ROBO2: variants seen among roughly 807,000 people sequenced by gnomAD.
ROBO2 encodes roundabout guidance receptor 2, also known as roundabout homolog 2.
In ROBO2, 53 loss-of-function variants were observed where a neutral mutation model predicts 160.8. That is an observed-to-expected ratio of 0.33 (90% CI 0.26 to 0.41). The LOEUF (loss-of-function observed/expected upper bound fraction) is 0.41. Among genes scored for constraint, ROBO2 ranks in the 10% least tolerant of loss-of-function variants. ROBO2 has a pLI of 1.00. For missense variants in ROBO2, 1,577 were observed against 1,722.4 expected, an observed-to-expected ratio of 0.92 and a Z score of 1.49; for synonymous variants, 664 against 611.7, an observed-to-expected ratio of 1.09 and a Z score of -1.26.
At chr3:76,319,013 C>A (rs759464870) in intron 2 of ROBO2, among the ~76,000 whole-genome samples, 1 of 151,952 alleles carries the variant, frequency 6.6e-6, no homozygotes, top group Non-Finnish European at 1.5e-5. Context: ...CAAGGTCACC[C>A]AAACAAGAGA....
chr3:76,803,080 G>A (rs539989687), intron 2 of ROBO2, among the ~76,000 whole-genome samples: 183 of 152,182 alleles, frequency 1.2e-3, no homozygotes, highest in African/African-American at 4.1e-3. Flanking sequence ...GTGTTTTGCT[G>A]AAAACAATTG....
At chr3:76,811,903 T>G (rs1310137003) in intron 2 of ROBO2, among the ~76,000 whole-genome samples, 1 of 146,852 alleles carries the variant, frequency 6.8e-6, no homozygotes, top group African/African-American at 2.5e-5. Flanking sequence ...TGGGGTCTCA[T>G]TCTGTATCCC....
chr3:75,926,444 G>C (rs527813148), intron 1 of ROBO2, among the ~76,000 whole-genome samples: 65 of 152,216 alleles, frequency 4.3e-4, no homozygotes, highest in African/African-American at 1.5e-3. Flanking sequence ...CTTCTGATTA[G>C]TGCCATTAGA....
At chr3:76,975,495 A>G (rs961368841) in intron 2 of ROBO2, among the ~76,000 whole-genome samples, 1 of 152,098 alleles carries the variant, frequency 6.6e-6, no homozygotes, top group African/African-American at 2.4e-5. Context: ...ACAGAGGGAG[A>G]CTGCGACTGT....
chr3:76,735,695 G>A (rs1263222055), intron 2 of ROBO2, among the ~76,000 whole-genome samples: 3 of 147,648 alleles, frequency 2.0e-5, no homozygotes, highest in Non-Finnish European at 3.0e-5. Context: ...CCAGGAGGCA[G>A]AGAATGCAGT....
At chr3:76,263,322 C>G (rs1706886677) in intron 2 of ROBO2, among the ~76,000 whole-genome samples, 1 of 152,042 alleles carries the variant, frequency 6.6e-6, no homozygotes, top group African/African-American at 2.4e-5. Context: ...CTTGGAACTC[C>G]TGGGCTCAGG....
chr3:77,034,886 G>T (rs537569886), upstream of ROBO2, among the ~76,000 whole-genome samples: 1 of 151,940 alleles, frequency 6.6e-6, no homozygotes, highest in East Asian at 1.9e-4. Flanking sequence ...GATTTTCTTG[G>T]GTTCATGAAA....
intron 2 of ROBO2, among the ~76,000 whole-genome samples, chr3:76,783,725 A>G (rs2062803541): frequency 6.6e-6 from 1 of 150,770 alleles, no homozygotes; most frequent in Non-Finnish European, 1.5e-5. Context: ...TGTTGGGGTT[A>G]TTTGTGCTTC....
At chr3:76,131,476 A>T (rs2071218240) in intron 2 of ROBO2, among the ~76,000 whole-genome samples, 1 of 152,106 alleles carries the variant, frequency 6.6e-6, no homozygotes, top group South Asian at 2.1e-4. Flanking sequence ...GTGAACTGAG[A>T]CAATGCCCAT....
intron 2 of ROBO2, among the ~76,000 whole-genome samples, chr3:76,628,070 AT>A (rs200057150): frequency 0.022 from 3,288 of 152,298 alleles, 50 homozygotes; most frequent in Non-Finnish European, 0.031. Flanking sequence ...TCATAAAAAA[AT>A]AAAGCTTTTG....
At chr3:76,715,823 C>T (rs1007054799) in intron 2 of ROBO2, among the ~76,000 whole-genome samples, 1 of 152,120 alleles carries the variant, frequency 6.6e-6, no homozygotes, top group African/African-American at 2.4e-5. Flanking sequence ...CTTTTATTCT[C>T]TCTTATTGGA....
intron 2 of ROBO2, among the ~76,000 whole-genome samples, chr3:76,629,172 CA>C (rs2089866572): frequency 6.6e-6 from 1 of 152,010 alleles, no homozygotes; most frequent in Non-Finnish European, 1.5e-5. Context: ...ACAAATGGTT[CA>C]AAAAAACACT....
intron 2 of ROBO2, among the ~76,000 whole-genome samples, chr3:76,664,197 T>C (rs73841271): frequency 1.9e-3 from 285 of 152,318 alleles, no homozygotes; most frequent in African/African-American, 6.7e-3. Flanking sequence ...GAAGCTGTTA[T>C]GTCTATTCTA....
At chr3:76,070,401 C>T (rs1018508923) in intron 2 of ROBO2, among the ~76,000 whole-genome samples, 25 of 152,186 alleles carry the variant, frequency 1.6e-4, no homozygotes, top group African/African-American at 3.6e-4. Flanking sequence ...TCTCCCATAG[C>T]GCTCCCAGGC....
At position 75,922,362 on chromosome 3, in the gene ROBO2, A is replaced by G. The variant is rs1484021411; in HGVS notation, c.-13-15119A>G. 3.3e-5 allele frequency among the ~76,000 whole-genome samples: 5 copies of G among 152,288 alleles called. No homozygotes were observed. The East Asian group carries it at 5.8e-4, about 18-fold the overall frequency. On this transcript the variant is annotated intron_variant, in intron 1 of 26. Coordinates refer to the ROBO2 transcript ENST00000487694. ...ATATCTAAACGTAGCCCTAACCAAT[A>G]ACAGAAAATTTTTTAAAAAATATTT...
In ROBO2 at chr3:76,717,319, C is replaced by T. The variant is rs184364755; in HGVS notation, c.110-380695C>T. On this transcript the variant is annotated intron_variant, in intron 2 of 26. Transcript: ENST00000487694. ...CCAGACTGGCCAAGATGGTGAAACC[C>T]CGTCTCAACTAAAAATACAAAAATT... Among the ~76,000 whole-genome samples the T allele has an allele frequency of 2.1e-3, 317 of 151,944 alleles. 1 individual carries two copies. Among genetic ancestry groups the T allele is most frequent in the African/African-American group, 7.3e-3 (302 of 41,414 alleles).
rs148914139 is a variant in ROBO2, at chr3:77,529,139, T to C, written c.934+6237T>C. 1.9e-4 allele frequency among the ~76,000 whole-genome samples: 29 copies of C among 151,118 alleles called. No individual in the cohort carries two copies. In the East Asian group the frequency reaches 2.7e-3, roughly 14 times the overall value. ...AAGCATGTTATTACATATAATAAAA[T>C]AAAATAAGTGGAAAGATTTATATAT... is the stretch of plus-strand genomic sequence containing the variant. On this transcript the variant is annotated intron_variant, in intron 6 of 25. Coordinates refer to ENST00000461745, the Ensembl canonical transcript of ROBO2.
At chr3:76,516,779 T>C (rs2081366386) in intron 2 of ROBO2, among the ~76,000 whole-genome samples, 1 of 152,142 alleles carries the variant, frequency 6.6e-6, no homozygotes, top group Non-Finnish European at 1.5e-5. Flanking sequence ...CTAAAAACAG[T>C]ATTCATAAGA....
chr3:77,397,499 G>T (rs1429062889), intron 2 of ROBO2, among the ~76,000 whole-genome samples: 1 of 152,100 alleles, frequency 6.6e-6, no homozygotes, highest in Non-Finnish European at 1.5e-5. Context: ...TGGCAGCCCA[G>T]GTTGGAGATG....
Sources: gnomAD v4.1 joint callset for allele counts (sites outside exome capture counted in the v4.1 genomes callset) on GRCh38, gnomAD v4.1.1 for gene constraint, MANE v1.5 for transcripts, NCBI Gene and HGNC (gene_info 2026-07-23, HGNC 2026-07-21) for gene names.